Variants in ZNF169 observed in about 807,000 individuals in gnomAD.
The protein encoded by ZNF169 is zinc finger protein 169.
ZNF169 carries 11 observed loss-of-function variants against 12.0 expected under a neutral mutation model. The ratio of observed to expected loss-of-function variants is 0.92; its 90% CI spans 0.58 to 1.52. ZNF169 has a LOEUF of 1.52. Ranked by LOEUF, ZNF169 falls within the 40% of genes most tolerant of loss-of-function variation. ZNF169 has a pLI of 0.00. For missense variants in ZNF169, 722 were observed against 744.0 expected, an observed-to-expected ratio of 0.97 and a Z score of 0.34; for synonymous variants, 302 against 286.5, an observed-to-expected ratio of 1.05 and a Z score of -0.55.
intron 1 of ZNF169, among the ~76,000 whole-genome samples, chr9:94,261,458 A>C (rs1830207818): frequency 6.6e-6 from 1 of 152,156 alleles, no homozygotes; most frequent in Non-Finnish European, 1.5e-5. Flanking sequence ...CTTATTTCTA[A>C]CTTCTCAGTA....
chr9:94,286,891 G>T (rs1004834068), intron 2 of ZNF169, among the ~76,000 whole-genome samples: 1 of 152,134 alleles, frequency 6.6e-6, no homozygotes, highest in African/African-American at 2.4e-5. Flanking sequence ...AACCCACCCT[G>T]CAGACCTTTT....
chr9:94,289,610 C>T (rs937352208), intron 2 of ZNF169, among the ~76,000 whole-genome samples: 1 of 151,980 alleles, frequency 6.6e-6, no homozygotes, highest in Admixed American at 6.6e-5. Context: ...GCCAACATGA[C>T]GAAACCCCGT....
In ZNF169 at chr9:94,270,705, T is replaced by TATATAA. The variant is rs1390855046; in HGVS notation, c.-55-8053_-55-8052insATATAA. Reference sequence around the variant, plus strand: ...ATATATAAATATATAATTTATATAATTATATAATATATAATATTATATATT... The same window carrying TATATAA: ...ATATATAAATATATAATTTATATAATATATAATATATAATATATAATATTATATATT... On this transcript the variant is annotated intron_variant, in intron 1 of 4. Transcript: ENST00000395395. Among the ~76,000 whole-genome samples, 7 of 17,070 alleles carry TATATAA rather than the reference T, an allele frequency of 4.1e-4. No individual in the cohort carries two copies. In the East Asian group the frequency reaches 8.3e-3, roughly 20 times the overall value. The allele number at this position is 17,070 out of a possible 152,430, so 11.2% of individuals were successfully genotyped here.
rs752716872 is a variant in ZNF169, at chr9:94,301,169, A to G, written c.1611A>G (p.Ser537=). The part of the protein sequence containing the change: ...SHLISDQRTH[S]GEKPCICDEC... ...TTATCTCTGACCAAAGGACACACTC[A>G]GGAGAGAAGCCCTGCATTTGCGATG... The change falls in exon 5 of 5, where the codon TCA becomes TCG. Residue 537 remains serine (S), a synonymous_variant. Coordinates refer to ENST00000395395, the MANE Select transcript of ZNF169 (RefSeq NM_194320.4). 9.3e-6 allele frequency: 15 copies of G among 1,614,110 alleles called. No individual in the cohort carries two copies. The highest frequency in any genetic ancestry group is 2.2e-5 in the East Asian group (1 of 44,892).
intron 1 of ZNF169, among the ~76,000 whole-genome samples, chr9:94,264,058 A>G (rs139182070): frequency 7.2e-5 from 11 of 152,294 alleles, no homozygotes; most frequent in African/African-American, 2.4e-4. Context: ...GTCATTCTTC[A>G]GGCTGTAATT....
At chr9:94,292,914 T>G in intron 3 of ZNF169, 60 bp from the exon 4 acceptor site, 5 of 1,481,472 alleles carry the variant, frequency 3.4e-6, no homozygotes, top group South Asian at 1.2e-5. Context: ...CTCTGAGTTC[T>G]GAGATAGCCT....
intron 1 of ZNF169, among the ~76,000 whole-genome samples, chr9:94,263,178 G>T (rs1004285007): frequency 6.6e-6 from 1 of 152,100 alleles, no homozygotes; most frequent in Non-Finnish European, 1.5e-5. Context: ...TTGTGGCAAG[G>T]TGTTAATTCG....
intron 4 of ZNF169, 149 bp from the exon 5 acceptor site, chr9:94,299,666 G>T: frequency 7.0e-7 from 1 of 1,435,438 alleles, no homozygotes; most frequent in South Asian, 1.5e-5. Flanking sequence ...TTTGTAGTGT[G>T]GGTTTTCTGT....
chr9:94,279,553 T>A (rs959756255), intron 2 of ZNF169, among the ~76,000 whole-genome samples: 1 of 150,950 alleles, frequency 6.6e-6, no homozygotes, highest in African/African-American at 2.4e-5. Context: ...GGCAAGAGAA[T>A]CGCTTGAGCC....
rs139069166 is a variant in ZNF169 at position 94,299,282 on chromosome 9, A to G, written c.257-533A>G. On this transcript the variant is annotated intron_variant, in intron 4 of 4. Coordinates refer to ENST00000395395, the MANE Select transcript of ZNF169 (RefSeq NM_194320.4). Reference sequence around the variant, plus strand: ...ATGGAAGCTCCCTGGCCTAAAGCCTATTCCACACAGGAGCCAGTATCTCTT... The same window carrying G: ...ATGGAAGCTCCCTGGCCTAAAGCCTGTTCCACACAGGAGCCAGTATCTCTT... 2.3e-3 allele frequency among the ~76,000 whole-genome samples: 350 copies of G among 152,326 alleles called. 1 individual carries two copies. The highest frequency in any genetic ancestry group is 4.0e-3 in the Non-Finnish European group (275 of 68,030).
intron 2 of ZNF169, among the ~76,000 whole-genome samples, chr9:94,284,620 A>G (rs1830690678): frequency 6.6e-6 from 1 of 152,196 alleles, no homozygotes; most frequent in Admixed American, 6.5e-5. Flanking sequence ...AACTATCTGA[A>G]CAGGAAATTT....
At chr9:94,290,769 G>A (rs1449953829) in intron 2 of ZNF169, among the ~76,000 whole-genome samples, 1 of 151,954 alleles carries the variant, frequency 6.6e-6, no homozygotes, top group Non-Finnish European at 1.5e-5. Context: ...TTCAATTTTT[G>A]GGGGTATATT....
chr9:94,278,901 G>C, intron 2 of ZNF169, 56 bp downstream of exon 2: 1 of 1,589,232 alleles, frequency 6.3e-7, no homozygotes, highest in Admixed American at 1.7e-5. Context: ...ATCTTTTCTT[G>C]TCCTGAAGGC....
intron 1 of ZNF169, among the ~76,000 whole-genome samples, chr9:94,260,155 T>A (rs548070403): frequency 1.3e-5 from 2 of 151,492 alleles, no homozygotes; most frequent in South Asian, 4.2e-4. Flanking sequence ...TGCAGTGGCG[T>A]GATTCCCCTG....
Position 94,301,471 on chromosome 9 carries a change from C to A in ZNF169, c.*101C>A. On this transcript the variant is annotated 3_prime_UTR_variant, in exon 5 of 5. Transcript: ENST00000395395. ...AAAAAAAAATGTTGCTTTCTTTCAT[C>A]GATCATGAGATAGTTGATTTTTGGT... 2.8e-6 allele frequency: 4 copies of A among 1,446,468 alleles called. No homozygotes were observed. Among genetic ancestry groups the A allele is most frequent in the Non-Finnish European group, 3.6e-6 (4 of 1,097,374 alleles). 89.6% of individuals were successfully genotyped at this position (1,446,468 alleles called of 1,614,324 possible). A position where few individuals can be genotyped will look rare whatever the true frequency, so the allele number is the denominator to read the frequency against.
At chr9:94,293,176 C>G (rs1396314229) in intron 4 of ZNF169, 107 bp downstream of exon 4, 1 of 972,060 alleles carries the variant, frequency 1.0e-6, no homozygotes, top group Admixed American at 2.0e-5. Context: ...CTTCTTCAGG[C>G]CTCCTAGGCC....
intron 4 of ZNF169, chr9:94,295,533 C>T (rs1830932432): frequency 1.3e-5 from 2 of 152,120 alleles, no homozygotes; most frequent in Admixed American, 1.3e-4. Flanking sequence ...TTTTCTTTCG[C>T]CTTACTGTAA....
intron 2 of ZNF169, among the ~76,000 whole-genome samples, chr9:94,282,542 G>C (rs1830659627): frequency 6.6e-6 from 1 of 152,158 alleles, no homozygotes; most frequent in African/African-American, 2.4e-5. Flanking sequence ...CTCCAAAGGA[G>C]GCAAACAGAT....
At chr9:94,267,362 C>T (rs942239135) in intron 1 of ZNF169, among the ~76,000 whole-genome samples, 2 of 152,146 alleles carry the variant, frequency 1.3e-5, no homozygotes, top group African/African-American at 4.8e-5. Context: ...ACTTTGATTC[C>T]TTAAAGGAGA....
Sources: gnomAD v4.1 joint callset for allele counts (sites outside exome capture counted in the v4.1 genomes callset) on GRCh38, gnomAD v4.1.1 for gene constraint, MANE v1.5 for transcripts, NCBI Gene and HGNC (gene_info 2026-07-23, HGNC 2026-07-21) for gene names.